PLCL2: variants seen among roughly 807,000 people sequenced by gnomAD.
PLCL2 encodes the protein phospholipase C like 2.
Under a neutral mutation model 79.6 loss-of-function variants are expected in PLCL2, and 4 were observed. The ratio of observed to expected loss-of-function variants is 0.05; its 90% CI spans 0.02 to 0.11. PLCL2 has a LOEUF of 0.11. Among genes scored for constraint, PLCL2 ranks in the 10% least tolerant of loss-of-function variants. The pLI is 1.00. For missense variants in PLCL2, 895 were observed against 1,291.0 expected, an observed-to-expected ratio of 0.69 and a Z score of 4.70; for synonymous variants, 484 against 457.7, an observed-to-expected ratio of 1.06 and a Z score of -0.73.
chr3:17,081,150 C>T (rs569360029), intron 5 of PLCL2: 2 of 456,420 alleles, frequency 4.4e-6, no homozygotes, highest in African/African-American at 4.0e-5. Context: ...GTGAAGGTAT[C>T]TAAATTCTGC....
At position 17,011,532 on chromosome 3, in the gene PLCL2, G is replaced by A. The variant is rs1354486648; in HGVS notation, c.2186G>A (p.Arg729Gln). ...AACGGAAACTGTGGCTATGTCCTCC[G>A]GCCAGCCATCATGAGGGAGGAGGTC... ...RQNGNCGYVLRPAIMREEVSF... is the reference protein window; with the variant it reads ...RQNGNCGYVLQPAIMREEVSF... The change falls in exon 2 of 6, where the codon CGG becomes CAG. Residue 729 changes from arginine (R) to glutamine (Q), a missense_variant. Transcript: ENST00000615277. The surrounding 1 kb of genome is among the most constrained non-coding windows in gnomAD (Gnocchi z 7.9). The A allele has an allele frequency of 1.2e-6, 2 of 1,614,060 alleles. No homozygotes were observed. Among genetic ancestry groups the A allele is most frequent in the Non-Finnish European group, 1.7e-6 (2 of 1,180,010 alleles).
At chr3:17,021,724 A>T (rs2064457414) in intron 3 of PLCL2, among the ~76,000 whole-genome samples, 1 of 152,110 alleles carries the variant, frequency 6.6e-6, no homozygotes, top group Non-Finnish European at 1.5e-5. Flanking sequence ...AGCATCACAG[A>T]GCAGCTTTTA....
At chr3:16,961,126 C>T (rs972690305) in intron 1 of PLCL2, among the ~76,000 whole-genome samples, 1 of 152,186 alleles carries the variant, frequency 6.6e-6, no homozygotes, top group African/African-American at 2.4e-5. Flanking sequence ...GGAGACCCCA[C>T]GCTTTCCTTA....
At chr3:17,068,210 C>T (rs1189982025) in intron 5 of PLCL2, 145 bp downstream of exon 5, 2 of 566,818 alleles carry the variant, frequency 3.5e-6, no homozygotes, top group Admixed American at 3.1e-5. Flanking sequence ...AGAACTCTGC[C>T]CTTCTAGAGT....
At chr3:17,066,939 A>T (rs1226684689) in intron 4 of PLCL2, among the ~76,000 whole-genome samples, 1 of 152,240 alleles carries the variant, frequency 6.6e-6, no homozygotes, top group African/African-American at 2.4e-5. Flanking sequence ...AAGACCATAA[A>T]GGAGGCAAGA....
rs370273443 is a variant in PLCL2 at position 17,058,892 on chromosome 3, A to G, written c.3095-9064A>G. ...TTTGTATTAAAGACCCCAGAATTCC[A>G]TCACATATAAATGACAATGGATTGG... On this transcript the variant is annotated intron_variant, in intron 4 of 5. Transcript: ENST00000615277. Among the ~76,000 whole-genome samples, 6 of 152,334 alleles carry G rather than the reference A, an allele frequency of 3.9e-5. 1 individual carries two copies.
intron 4 of PLCL2, among the ~76,000 whole-genome samples, chr3:17,054,086 G>C (rs2064870047): frequency 6.6e-6 from 1 of 152,048 alleles, no homozygotes; most frequent in South Asian, 2.1e-4. Flanking sequence ...CTGTGCATAT[G>C]AGCATAGGTT....
intron 1 of PLCL2, among the ~76,000 whole-genome samples, chr3:16,968,194 G>C (rs1192219277): frequency 2.0e-5 from 3 of 151,954 alleles, no homozygotes. Context: ...TAGGTAATTT[G>C]GTGTCTCTAG....
intron 3 of PLCL2, among the ~76,000 whole-genome samples, chr3:17,039,233 C>T (rs1471002048): frequency 6.6e-6 from 1 of 152,218 alleles, no homozygotes; most frequent in Non-Finnish European, 1.5e-5. Context: ...CCCATGTTGC[C>T]TCTGCTGCAT....
At chr3:17,019,696 C>A (rs1283545874) in intron 3 of PLCL2, among the ~76,000 whole-genome samples, 2 of 152,052 alleles carry the variant, frequency 1.3e-5, no homozygotes, top group Non-Finnish European at 2.9e-5. Context: ...ATTTAATGCA[C>A]TTAAAATAAA....
At chr3:16,928,692 G>C (rs1309909137) in intron 1 of PLCL2, among the ~76,000 whole-genome samples, 1 of 152,164 alleles carries the variant, frequency 6.6e-6, no homozygotes, top group Admixed American at 6.5e-5. Flanking sequence ...CTTTGCAAAG[G>C]CTCAATTTAT....
chr3:16,988,116 T>C (rs1275270585), intron 1 of PLCL2, among the ~76,000 whole-genome samples: 3 of 152,156 alleles, frequency 2.0e-5, no homozygotes, highest in Non-Finnish European at 4.4e-5. Context: ...GAAGATTTTT[T>C]GCTAAAAGTA....
chr3:16,918,097 A>G (rs899002226), intron 1 of PLCL2, among the ~76,000 whole-genome samples: 8 of 152,202 alleles, frequency 5.3e-5, no homozygotes, highest in Non-Finnish European at 1.0e-4. Flanking sequence ...TGACTGAATC[A>G]AAGGAGCACT....
intron 1 of PLCL2, among the ~76,000 whole-genome samples, chr3:16,980,830 C>G (rs1269909772): frequency 1.3e-5 from 2 of 152,222 alleles, no homozygotes; most frequent in Non-Finnish European, 2.9e-5. Flanking sequence ...CGCCACTGCA[C>G]TCCAGCCTGG....
At chr3:17,083,710 C>A (rs1452672498) in intron 5 of PLCL2, among the ~76,000 whole-genome samples, 4 of 152,152 alleles carry the variant, frequency 2.6e-5, no homozygotes, top group Admixed American at 2.6e-4. Flanking sequence ...AAGATTGTGA[C>A]ACTAGGACCT....
At chr3:16,973,637 C>T (rs2063896067) in intron 1 of PLCL2, among the ~76,000 whole-genome samples, 1 of 152,104 alleles carries the variant, frequency 6.6e-6, no homozygotes, top group Non-Finnish European at 1.5e-5. Context: ...GGAAGAATCA[C>T]CAGGGGAGTG....
At chr3:17,038,315 G>A (rs1358081188) in intron 3 of PLCL2, among the ~76,000 whole-genome samples, 1 of 152,152 alleles carries the variant, frequency 6.6e-6, no homozygotes, top group Admixed American at 6.6e-5. Context: ...GCATCCATGT[G>A]GCGAGTTACT....
chr3:16,988,405 G>A (rs2064071685), intron 1 of PLCL2, among the ~76,000 whole-genome samples: 1 of 152,096 alleles, frequency 6.6e-6, no homozygotes, highest in South Asian at 2.1e-4. Context: ...TCTTAGTGAA[G>A]ATACACCAAG....
intron 1 of PLCL2, among the ~76,000 whole-genome samples, chr3:17,001,929 C>T (rs1315864528): frequency 6.6e-6 from 1 of 151,658 alleles, no homozygotes; most frequent in Non-Finnish European, 1.5e-5. Flanking sequence ...ATTGATAGAT[C>T]ATTTTGGGTA....
Sources: allele counts gnomAD v4.1 joint callset (sites outside exome capture counted in the v4.1 genomes callset), GRCh38; gene constraint gnomAD v4.1.1; non-coding constraint Gnocchi (gnomAD v3.1); transcripts MANE v1.5; gene names NCBI Gene and HGNC (gene_info 2026-07-23, HGNC 2026-07-21).